Variants in SDK1 observed in about 807,000 individuals in gnomAD.
SDK1 encodes protein sidekick-1.
SDK1 carries 157 observed loss-of-function variants against 245.5 expected under a neutral mutation model. The observed-to-expected ratio is 0.64, with a 90% CI of 0.56 to 0.73. The LOEUF (loss-of-function observed/expected upper bound fraction) is 0.73, where lower values mean the gene tolerates loss of function less well. Among genes scored for constraint, SDK1 ranks in the 30% least tolerant of loss-of-function variants. The probability of loss-of-function intolerance (pLI) is 0.00; values close to 1 mark genes in which losing one functional copy is unlikely to be tolerated. For missense variants in SDK1, 3,583 were observed against 3,002.3 expected, an observed-to-expected ratio of 1.19 and a Z score of -4.52; for synonymous variants, 1,647 against 1,278.5, an observed-to-expected ratio of 1.29 and a Z score of -6.15.
In SDK1 at chr7:4,183,866, C is replaced by T. The variant is rs565796581; in HGVS notation, c.5098+5280C>T. ...CTGCATCCAGGTCTCTGCTCCACCC[C>T]ACCCATCAGATGTGGCTTGGCTCTT... On this transcript the variant is annotated intron_variant, in intron 35 of 44. Transcript: ENST00000404826. Among the ~76,000 whole-genome samples the T allele has an allele frequency of 3.9e-5, 6 of 152,312 alleles. 1 individual carries two copies. The South Asian group carries it at 1.2e-3, about 32-fold the overall frequency.
rs188637021 is a variant in SDK1, at chr7:4,148,690, C to A, written c.4424-572C>A. Among the ~76,000 whole-genome samples, 17 of 152,358 alleles carry A rather than the reference C, an allele frequency of 1.1e-4. No individual in the cohort carries two copies. In the East Asian group the frequency reaches 2.3e-3, roughly 21 times the overall value. On this transcript the variant is annotated intron_variant, in intron 29 of 44. Coordinates refer to ENST00000404826, the MANE Select transcript of SDK1 (RefSeq NM_152744.4). ...ACAGACACAGTGCCTGGTGGTCTGG[C>A]AGCCCAGGGACTCCTGTGTGGCTTT...
chr7:3,857,869 G>A (rs749446825), intron 5 of SDK1, among the ~76,000 whole-genome samples: 3 of 152,084 alleles, frequency 2.0e-5, no homozygotes, highest in Admixed American at 6.5e-5. Context: ...AGCAAGCAAA[G>A]CTATTAAATA....
chr7:4,066,438 C>T (rs1779904203), intron 19 of SDK1, among the ~76,000 whole-genome samples: 1 of 152,190 alleles, frequency 6.6e-6, no homozygotes, highest in East Asian at 1.9e-4. Flanking sequence ...CCTCATCCTT[C>T]CCTCCATTTG....
intron 1 of SDK1, among the ~76,000 whole-genome samples, chr7:3,344,674 C>G: frequency 6.6e-6 from 1 of 152,162 alleles, no homozygotes; most frequent in East Asian, 1.9e-4. Context: ...TTCGTTGTTG[C>G]TGGACTGGAC....
intron 1 of SDK1, among the ~76,000 whole-genome samples, chr7:3,387,054 G>C (rs1280873043): frequency 2.0e-5 from 3 of 152,074 alleles, no homozygotes; most frequent in African/African-American, 7.2e-5. Context: ...TTTCAAAAAT[G>C]GTTTCCCAAG....
intron 5 of SDK1, among the ~76,000 whole-genome samples, chr7:3,879,623 TC>T (rs536084766): frequency 5.3e-5 from 8 of 152,202 alleles, no homozygotes; most frequent in Non-Finnish European, 1.2e-4. Context: ...TCGCTGCGTG[TC>T]CAGGATGGAC....
At chr7:3,862,540 C>T (rs1458221764) in intron 5 of SDK1, among the ~76,000 whole-genome samples, 1 of 152,204 alleles carries the variant, frequency 6.6e-6, no homozygotes, top group Non-Finnish European at 1.5e-5. Flanking sequence ...ATTCCTTTCT[C>T]AGATAATGCT....
intron 36 of SDK1, 47 bp downstream of exon 36, chr7:4,206,041 C>T: frequency 7.8e-7 from 1 of 1,285,306 alleles, no homozygotes; most frequent in Non-Finnish European, 1.1e-6. Context: ...CTTGGGCACC[C>T]CTCGTTCACG....
chr7:4,225,979 C>T (rs1785422197), intron 40 of SDK1, among the ~76,000 whole-genome samples: 1 of 152,146 alleles, frequency 6.6e-6, no homozygotes, highest in Non-Finnish European at 1.5e-5. Context: ...AGTTGAGACG[C>T]CCCCTCCCTT....
At chr7:4,044,038 G>A (rs1788836982) in intron 17 of SDK1, among the ~76,000 whole-genome samples, 2 of 152,042 alleles carry the variant, frequency 1.3e-5, no homozygotes, top group South Asian at 4.1e-4. Flanking sequence ...ATCTATTGCT[G>A]CCTAACTGAC....
chr7:3,682,157 C>G (rs936394489), intron 4 of SDK1, among the ~76,000 whole-genome samples: 1 of 152,132 alleles, frequency 6.6e-6, no homozygotes, highest in African/African-American at 2.4e-5. Context: ...AAATGGTTTA[C>G]CTCTCTCTAC....
chr7:3,590,975 G>GT (rs1273281280), intron 1 of SDK1, among the ~76,000 whole-genome samples: 1 of 152,104 alleles, frequency 6.6e-6, no homozygotes, highest in East Asian at 1.9e-4. Context: ...CAGACATGGA[G>GT]TTTTGCCATG....
At chr7:3,563,832 CAATAACA>C (rs1248990813) in intron 1 of SDK1, among the ~76,000 whole-genome samples, 3 of 152,060 alleles carry the variant, frequency 2.0e-5, no homozygotes, top group Non-Finnish European at 4.4e-5. Flanking sequence ...GGAATGAAAG[CAATAACA>C]AATTAGGTTC....
At chr7:4,001,994 C>A (rs570614806) in intron 14 of SDK1, among the ~76,000 whole-genome samples, 1 of 152,368 alleles carries the variant, frequency 6.6e-6, no homozygotes, top group Non-Finnish European at 1.5e-5. Flanking sequence ...CCCTCGCAGT[C>A]CCCTGCAGGA....
intron 1 of SDK1, among the ~76,000 whole-genome samples, chr7:3,320,473 C>A (rs1779775488): frequency 6.6e-6 from 1 of 152,080 alleles, no homozygotes; most frequent in Non-Finnish European, 1.5e-5. Context: ...AAAAATTAGC[C>A]TTAATATTGA....
chr7:3,722,242 CAGA>C lies in SDK1; in HGVS notation c.713+80143_713+80145del, dbSNP rs950491388. 6.6e-5 allele frequency among the ~76,000 whole-genome samples: 10 copies of C among 152,034 alleles called. 1 individual carries two copies. Among genetic ancestry groups the C allele is most frequent in the Admixed American group, 5.9e-4 (9 of 15,278 alleles). ...GAATACCCTGGCTTGGTAGACTGTA[CAGA>C]AGAAGGGGAGACTCGGAGACCACGT... On this transcript the variant is annotated intron_variant, in intron 4 of 44. Transcript: ENST00000404826.
intron 1 of SDK1, among the ~76,000 whole-genome samples, chr7:3,528,787 G>A (rs1034507996): frequency 1.3e-5 from 2 of 152,082 alleles, no homozygotes; most frequent in Admixed American, 1.3e-4. Flanking sequence ...GAGCAATGGG[G>A]TGAATTGTGC....
In SDK1 at chr7:3,434,805, T is replaced by TG. The variant is rs142989593; in HGVS notation, c.298+132929dup. ...TCTGCAGGGAGTGTAGATAGAATCA[T>TG]GGGGGGGGACAGAGCACACCCTAGT... On this transcript the variant is annotated intron_variant, in intron 1 of 44. Transcript: ENST00000404826. Among the ~76,000 whole-genome samples, 1,437 of 151,480 alleles carry TG rather than the reference T, an allele frequency of 9.5e-3. 26 individuals carry two copies. Among genetic ancestry groups the TG allele is most frequent in the African/African-American group, 0.031 (1,283 of 41,292 alleles).
At chr7:4,194,450 A>G (rs144144510) in intron 35 of SDK1, among the ~76,000 whole-genome samples, 90 of 101,870 alleles carry the variant, frequency 8.8e-4, no homozygotes, top group South Asian at 1.4e-3. Context: ...ATATGTATAC[A>G]TGTATATATG....
Sources: gnomAD v4.1 joint callset for allele counts (sites outside exome capture counted in the v4.1 genomes callset) on GRCh38, gnomAD v4.1.1 for gene constraint, MANE v1.5 for transcripts, NCBI Gene and HGNC (gene_info 2026-07-23, HGNC 2026-07-21) for gene names.